Variants in GPR158 observed in about 807,000 individuals in gnomAD.
GPR158 encodes the protein metabotropic glycine receptor.
GPR158 carries 30 observed loss-of-function variants against 78.2 expected under a neutral mutation model. The observed-to-expected ratio is 0.38, with a 90% CI of 0.29 to 0.52. The LOEUF (loss-of-function observed/expected upper bound fraction) is 0.52, where lower values mean the gene tolerates loss of function less well. Ranked by LOEUF, GPR158 falls within the 20% of genes least tolerant of loss-of-function variation. The pLI, the probability that GPR158 is intolerant of heterozygous loss-of-function variation, is 0.83. For missense variants in GPR158, 1,463 were observed against 1,523.5 expected (o/e 0.96, Z 0.66); for synonymous variants, 581 against 591.1 (o/e 0.98, Z 0.25).
At chr10:25,427,927 C>A (rs756044749) in intron 4 of GPR158, among the ~76,000 whole-genome samples, 4 of 151,952 alleles carry the variant, frequency 2.6e-5, no homozygotes, top group Non-Finnish European at 5.9e-5. Flanking sequence ...GAATTTAAAC[C>A]TGTCTGACTA....
At chr10:25,181,935 C>G (rs989388409) in intron 1 of GPR158, among the ~76,000 whole-genome samples, 10 of 152,072 alleles carry the variant, frequency 6.6e-5, no homozygotes, top group African/African-American at 2.4e-4. Context: ...CCAGGCTGGT[C>G]TTGAACTCCT....
chr10:25,190,122 T>G (rs1342168786), intron 1 of GPR158, among the ~76,000 whole-genome samples: 2 of 152,164 alleles, frequency 1.3e-5, no homozygotes, highest in South Asian at 4.1e-4. Context: ...GATTTAATCA[T>G]TATAAAGATA....
chr10:25,536,257 C>A (rs1157951895), intron 5 of GPR158, among the ~76,000 whole-genome samples: 1 of 151,980 alleles, frequency 6.6e-6, no homozygotes, highest in Non-Finnish European at 1.5e-5. Context: ...AAAGAAAATT[C>A]ATTTGTAAAA....
rs554682247 is a variant in GPR158, at chr10:25,601,634, A to G, written c.*2360A>G. The G allele has an allele frequency of 6.5e-6, 1 of 152,764 alleles. No homozygotes were observed. The highest frequency in any genetic ancestry group is 2.1e-4 in the South Asian group (1 of 4,830). The allele number at this position is 152,764 out of a possible 1,614,324, so 9.5% of individuals were successfully genotyped here. A position where few individuals can be genotyped will look rare whatever the true frequency, so the allele number is the denominator to read the frequency against. The stretch of plus-strand genomic sequence containing the variant: ...TTCTCCACCAGCATAAATCAGTGAG[A>G]GTGCCTAGAGTCTTTCTGAGAGTTT... On this transcript the variant is annotated 3_prime_UTR_variant, in exon 11 of 11. Coordinates refer to ENST00000376351, the MANE Select transcript of GPR158 (RefSeq NM_020752.3).
intron 6 of GPR158, among the ~76,000 whole-genome samples, chr10:25,565,198 ATCT>A (rs906750722): frequency 2.6e-5 from 4 of 152,220 alleles, no homozygotes; most frequent in Non-Finnish European, 4.4e-5. Flanking sequence ...GGTCAATTAA[ATCT>A]TCTTGCCTTC....
intron 2 of GPR158, among the ~76,000 whole-genome samples, chr10:25,314,093 G>T (rs1328302967): frequency 6.6e-6 from 1 of 151,764 alleles, no homozygotes; most frequent in Non-Finnish European, 1.5e-5. Context: ...CTAGGTTTTT[G>T]AATTTATTTA....
intron 5 of GPR158, among the ~76,000 whole-genome samples, chr10:25,514,703 C>T (rs1417176627): frequency 6.6e-6 from 1 of 152,124 alleles, no homozygotes; most frequent in Non-Finnish European, 1.5e-5. Context: ...TCTTGTAGTG[C>T]TGGCTTGGTT....
At chr10:25,594,940 T>G (rs181495475) in intron 9 of GPR158, among the ~76,000 whole-genome samples, 2 of 152,284 alleles carry the variant, frequency 1.3e-5, no homozygotes, top group Admixed American at 1.3e-4. Context: ...ACTGGCTGTG[T>G]GTTATGACAC....
At chr10:25,482,257 C>T (rs1835671785) in intron 5 of GPR158, among the ~76,000 whole-genome samples, 1 of 152,054 alleles carries the variant, frequency 6.6e-6, no homozygotes, top group South Asian at 2.1e-4. Flanking sequence ...GATCATAGCT[C>T]CCTGCACCCT....
chr10:25,543,343 A>G (rs1201468184), intron 5 of GPR158, among the ~76,000 whole-genome samples: 1 of 151,824 alleles, frequency 6.6e-6, no homozygotes, highest in African/African-American at 2.4e-5. Flanking sequence ...CTAGTCTCAA[A>G]CCCCTGACCT....
intron 2 of GPR158, among the ~76,000 whole-genome samples, chr10:25,305,112 T>G (rs1335667301): frequency 6.6e-6 from 1 of 152,220 alleles, no homozygotes; most frequent in Non-Finnish European, 1.5e-5. Context: ...TTTGTTTGCC[T>G]CTATGACCCT....
chr10:25,482,067 G>A (rs1186989622), intron 5 of GPR158, among the ~76,000 whole-genome samples: 2 of 152,038 alleles, frequency 1.3e-5, no homozygotes, highest in East Asian at 3.9e-4. Flanking sequence ...TTTAGCTAGT[G>A]TGCCACACAG....
chr10:25,203,368 A>G (rs932833307), intron 1 of GPR158, among the ~76,000 whole-genome samples: 14 of 152,158 alleles, frequency 9.2e-5, no homozygotes, highest in Non-Finnish European at 1.6e-4. Flanking sequence ...GTTTTCTTCA[A>G]GGGTTTTTAT....
intron 5 of GPR158, among the ~76,000 whole-genome samples, chr10:25,540,780 C>T (rs984007680): frequency 4.1e-5 from 6 of 146,550 alleles, no homozygotes; most frequent in Non-Finnish European, 7.5e-5. Context: ...CATCACACAC[C>T]GGGGCCTGTC....
chr10:25,312,119 T>A (rs1362162973), intron 2 of GPR158, among the ~76,000 whole-genome samples: 4 of 152,028 alleles, frequency 2.6e-5, no homozygotes, highest in Non-Finnish European at 4.4e-5. Context: ...TATTTTCCTT[T>A]ATACTCCCAA....
intron 1 of GPR158, among the ~76,000 whole-genome samples, chr10:25,216,041 T>C (rs1853208081): frequency 6.6e-6 from 1 of 152,232 alleles, no homozygotes; most frequent in Non-Finnish European, 1.5e-5. Flanking sequence ...TTTTCTTCAT[T>C]GTCCTTCAAA....
At chr10:25,318,714 C>A (rs777018913) in intron 2 of GPR158, among the ~76,000 whole-genome samples, 1 of 152,002 alleles carries the variant, frequency 6.6e-6, no homozygotes, top group Non-Finnish European at 1.5e-5. Context: ...AATTTTTGTT[C>A]GTATGATCAC....
intron 4 of GPR158, among the ~76,000 whole-genome samples, chr10:25,452,626 C>T (rs966779079): frequency 1.3e-5 from 2 of 152,048 alleles, no homozygotes; most frequent in Non-Finnish European, 2.9e-5. Flanking sequence ...TTCAACAAGG[C>T]CTTAGGGGTC....
At chr10:25,496,828 C>A (rs1474675376) in intron 5 of GPR158, among the ~76,000 whole-genome samples, 2 of 152,130 alleles carry the variant, frequency 1.3e-5, no homozygotes, top group African/African-American at 4.8e-5. Flanking sequence ...TATACACAAA[C>A]CTTGTTGCAG....
Sources: gnomAD v4.1 joint callset for allele counts (sites outside exome capture counted in the v4.1 genomes callset) on GRCh38, gnomAD v4.1.1 for gene constraint, MANE v1.5 for transcripts, NCBI Gene and HGNC (gene_info 2026-07-23, HGNC 2026-07-21) for gene names.